Variants in BRD10 observed in about 807,000 individuals in gnomAD.
BRD10 encodes the protein bromodomain containing 10.
chr9:5,888,957 G>GATA, the BRD10 span, among the ~76,000 whole-genome samples: 1 of 152,174 alleles, frequency 6.6e-6, no homozygotes, highest in Admixed American at 6.5e-5. Flanking sequence ...AACTGGCAAT[G>GATA]ACCAGCTCAG....
At chr9:5,895,032 G>C in the BRD10 span, among the ~76,000 whole-genome samples, 2 of 152,216 alleles carry the variant, frequency 1.3e-5, no homozygotes, top group African/African-American at 2.4e-5. Flanking sequence ...TTGAGAACAA[G>C]AGGGAGCCTC....
At chr9:5,968,630 G>A in the BRD10 span, 1 of 1,613,692 alleles carries the variant, frequency 6.2e-7, no homozygotes, top group Non-Finnish European at 8.5e-7. Flanking sequence ...TTTCTTGAAG[G>A]AAGAGGGCAG....
At chr9:6,002,480 G>A in the BRD10 span, among the ~76,000 whole-genome samples, 1 of 152,004 alleles carries the variant, frequency 6.6e-6, no homozygotes, top group African/African-American at 2.4e-5. Context: ...AGGTAGGATG[G>A]GTGAGATTTA....
At chr9:5,895,330 C>T in the BRD10 span, among the ~76,000 whole-genome samples, 1 of 151,986 alleles carries the variant, frequency 6.6e-6, no homozygotes, top group Non-Finnish European at 1.5e-5. Context: ...TCCCTGCCCC[C>T]ATTGCTGTTT....
At chr9:5,948,193 A>G in the BRD10 span, among the ~76,000 whole-genome samples, 7 of 152,216 alleles carry the variant, frequency 4.6e-5, no homozygotes, top group Non-Finnish European at 7.3e-5. Context: ...GCCTAGGCTA[A>G]AGAGACCTAT....
chr9:5,948,151 G>C, the BRD10 span, among the ~76,000 whole-genome samples: 1 of 152,040 alleles, frequency 6.6e-6, no homozygotes, highest in African/African-American at 2.4e-5. Flanking sequence ...GAGCTGAAAG[G>C]GACTAAAAAT....
chr9:5,943,616 T>A, the BRD10 span, among the ~76,000 whole-genome samples: 1 of 150,954 alleles, frequency 6.6e-6, no homozygotes, highest in Non-Finnish European at 1.5e-5. Flanking sequence ...GAGGAATATA[T>A]CACAGCAGTA....
At chr9:5,920,980 A>C in the BRD10 span, 1 of 1,613,978 alleles carries the variant, frequency 6.2e-7, no homozygotes, top group Admixed American at 1.7e-5. Flanking sequence ...CCCCAGCTGA[A>C]GCAGAGGCTG....
At chr9:5,951,781 TCTC>T in the BRD10 span, among the ~76,000 whole-genome samples, 1 of 151,164 alleles carries the variant, frequency 6.6e-6, no homozygotes. Context: ...ACTAGCACTA[TCTC>T]CTATTTTATT....
At chr9:5,949,920 A>G in the BRD10 span, among the ~76,000 whole-genome samples, 1 of 152,238 alleles carries the variant, frequency 6.6e-6, no homozygotes, top group Non-Finnish European at 1.5e-5. Context: ...AAACAGATAA[A>G]GGAAAAAGAA....
the BRD10 span, among the ~76,000 whole-genome samples, chr9:5,939,095 T>C: frequency 3.3e-5 from 5 of 152,056 alleles, no homozygotes; most frequent in Admixed American, 6.5e-5. Context: ...TTCAATAGAA[T>C]AGAATAAAAT....
chr9:5,930,967 T>C, the BRD10 span, among the ~76,000 whole-genome samples: 1 of 152,208 alleles, frequency 6.6e-6, no homozygotes, highest in African/African-American at 2.4e-5. Context: ...TTCTCAACTA[T>C]TTGGCTTCAA....
the BRD10 span, among the ~76,000 whole-genome samples, chr9:5,983,704 G>A: frequency 6.6e-6 from 1 of 152,004 alleles, no homozygotes; most frequent in East Asian, 1.9e-4. Context: ...TCAAAGAAGC[G>A]AAATGAACCT....
the BRD10 span, among the ~76,000 whole-genome samples, chr9:6,003,469 A>C: frequency 6.6e-6 from 1 of 152,160 alleles, no homozygotes; most frequent in South Asian, 2.1e-4. Context: ...GCTATTTCTC[A>C]CAGTTGCCTC....
At chr9:5,922,987 G>C in the BRD10 span, 1 of 1,613,974 alleles carries the variant, frequency 6.2e-7, no homozygotes, top group South Asian at 1.1e-5. Context: ...GAATGGGTTT[G>C]GTCCCTTTCT....
chr9:6,007,767 C>A, the BRD10 span: 43,692 of 1,566,624 alleles, frequency 0.028, 2,845 homozygotes, highest in African/African-American at 0.23. Context: ...CCATCGCTCC[C>A]GGCGTCCCGG....
At chr9:5,927,081 A>G in the BRD10 span, among the ~76,000 whole-genome samples, 1 of 152,178 alleles carries the variant, frequency 6.6e-6, no homozygotes, top group Non-Finnish European at 1.5e-5. Context: ...TTCAATCTAT[A>G]AGATTGGAAT....
At chr9:5,902,021 T>C in the BRD10 span, among the ~76,000 whole-genome samples, 1 of 151,980 alleles carries the variant, frequency 6.6e-6, no homozygotes, top group Non-Finnish European at 1.5e-5. Context: ...GCTGGCCTCA[T>C]AGCAATGAGT....
the BRD10 span, among the ~76,000 whole-genome samples, chr9:5,994,803 C>A: frequency 5.7e-3 from 865 of 152,306 alleles, 8 homozygotes; most frequent in African/African-American, 0.02. Context: ...CTAACTATAA[C>A]CTCAGCTGGG....
Sources: allele counts gnomAD v4.1 joint callset (sites outside exome capture counted in the v4.1 genomes callset), GRCh38; gene constraint gnomAD v4.1.1; transcripts MANE v1.5; gene names NCBI Gene and HGNC (gene_info 2026-07-23, HGNC 2026-07-21).